Variants in GNB1L observed in about 807,000 individuals in gnomAD.
GNB1L encodes the protein G protein subunit beta 1 like.
A neutral mutation model predicts 29.1 loss-of-function variants in GNB1L; 20 were observed. The ratio of observed to expected loss-of-function variants is 0.69; its 90% confidence interval spans 0.48 to 1.00. The LOEUF (loss-of-function observed/expected upper bound fraction) is 1.00. Ranked by LOEUF, GNB1L falls within the 50% of genes least tolerant of loss-of-function variation. The pLI, the probability that GNB1L is intolerant of heterozygous loss-of-function variation, is 0.00. For synonymous variants in GNB1L, 193 were observed against 206.5 expected, an observed-to-expected ratio of 0.93 and a Z score of 0.56; for missense variants, 421 against 464.9, an observed-to-expected ratio of 0.91 and a Z score of 0.87.
rs545054042 is a variant in GNB1L at position 19,802,214 on chromosome 22, G to C, written c.519C>G (p.Ala173=). 1 of 1,612,090 alleles carries C rather than the reference G, an allele frequency of 6.2e-7. No homozygotes were observed. Among genetic ancestry groups the C allele is most frequent in the African/African-American group, 1.3e-5 (1 of 75,030 alleles). The change falls in exon 7 of 8, where the codon GCC becomes GCG. Residue 173 remains alanine, a splice_region_variant and synonymous_variant. Coordinates refer to ENST00000329517, the MANE Select transcript of GNB1L (RefSeq NM_053004.3). Reference sequence around the variant, plus strand: ...GAAGGAGTGGGCGGGAGCTGCAGTCGGCCTGCGGGGAACAGCAGAGCAGTC... The same window carrying C: ...GAAGGAGTGGGCGGGAGCTGCAGTCCGCCTGCGGGGAACAGCAGAGCAGTC... ...GMPMCLRLWQ[A]DCSSRPLLLA... is the part of the protein sequence containing the mutation.
intron 2 of GNB1L, chr22:19,848,165 T>C: frequency 5.1e-6 from 5 of 985,440 alleles, no homozygotes; most frequent in Non-Finnish European, 6.0e-6. Context: ...AGACAGGTAC[T>C]TTAAATACCA....
intron 5 of GNB1L, among the ~76,000 whole-genome samples, chr22:19,808,450 G>A (rs1035568211): frequency 2.0e-5 from 3 of 152,194 alleles, no homozygotes; most frequent in Non-Finnish European, 4.4e-5. Context: ...CCAGGCCTGC[G>A]AGCTCTGGGG....
chr22:19,838,386 C>A (rs1937801069), intron 2 of GNB1L, among the ~76,000 whole-genome samples: 1 of 152,178 alleles, frequency 6.6e-6, no homozygotes. Context: ...TGTGGGGCAA[C>A]TGGAACCTTG....
intron 5 of GNB1L, among the ~76,000 whole-genome samples, 197 bp from the exon 6 acceptor site, chr22:19,806,954 C>T (rs1434085498): frequency 6.6e-6 from 1 of 152,206 alleles, no homozygotes; most frequent in Non-Finnish European, 1.5e-5. Context: ...CCCAGGTCAC[C>T]GCCTGGCAGC....
At chr22:19,798,686 G>A (rs1019912718) in intron 7 of GNB1L, among the ~76,000 whole-genome samples, 2 of 151,994 alleles carry the variant, frequency 1.3e-5, no homozygotes, top group Admixed American at 1.3e-4. Flanking sequence ...GGACAGGAGC[G>A]ACCCCACACC....
At chr22:19,806,789 G>A (rs368592661) in intron 5 of GNB1L, 32 bp from the exon 6 acceptor site, 25 of 1,448,142 alleles carry the variant, frequency 1.7e-5, no homozygotes, top group East Asian at 4.6e-5. Context: ...GATTTGGGCC[G>A]TCGCCAAGTC....
rs149659075 is a variant in GNB1L at position 19,846,896 on chromosome 22, C to G, written c.-21+7547G>C. ...AGTCCCCTAGCCTGCGGTCCTTTGT[C>G]AGGCAGCCCCAGCAGACAAACAGGT... On this transcript the variant is annotated intron_variant, in intron 2 of 7. Transcript: ENST00000329517. 764 of 982,940 alleles carry G rather than the reference C, an allele frequency of 7.8e-4. 4 individuals are homozygous for G. In the African/African-American group the frequency reaches 0.012, roughly 16 times the overall value. 60.9% of individuals were successfully genotyped at this position (982,940 alleles called of 1,614,324 possible). A position where few individuals can be genotyped will look rare whatever the true frequency, so the allele number is the denominator to read the frequency against.
intron 4 of GNB1L, among the ~76,000 whole-genome samples, chr22:19,819,612 G>A (rs1019173667): frequency 2.6e-5 from 4 of 152,192 alleles, no homozygotes; most frequent in Admixed American, 6.5e-5. Flanking sequence ...TGAACCATGG[G>A]GGCACCCAGA....
At chr22:19,802,949 G>T (rs1322592453) in intron 6 of GNB1L, among the ~76,000 whole-genome samples, 1 of 152,246 alleles carries the variant, frequency 6.6e-6, no homozygotes, top group Non-Finnish European at 1.5e-5. Context: ...ACAGCCGTCA[G>T]TCCCCGGCAC....
At position 19,793,128 on chromosome 22, in the gene GNB1L, A is replaced by C. The variant is rs1937270405; in HGVS notation, c.733-4168T>G. ...TGTTGAGTTTTCTGTACATTAAAATAATTAAAATAATACAAATTTTCCTTC... is the reference window on the plus strand; with the variant it reads ...TGTTGAGTTTTCTGTACATTAAAATCATTAAAATAATACAAATTTTCCTTC... On this transcript the variant is annotated intron_variant, in intron 7 of 7. Transcript: ENST00000329517. 3 of 1,130,714 alleles carry C rather than the reference A, an allele frequency of 2.7e-6. No individual in the cohort carries two copies. The Admixed American group carries it at 6.5e-5, about 24-fold the overall frequency. 70.0% of individuals were successfully genotyped at this position (1,130,714 alleles called of 1,614,324 possible).
intron 2 of GNB1L, chr22:19,851,563 A>G: frequency 6.2e-7 from 1 of 1,612,496 alleles, no homozygotes; most frequent in Non-Finnish European, 8.5e-7. Flanking sequence ...CGGCTGGTAA[A>G]GACCTGGGGG....
intron 4 of GNB1L, among the ~76,000 whole-genome samples, chr22:19,819,363 G>C (rs892029601): frequency 5.9e-5 from 9 of 152,248 alleles, no homozygotes; most frequent in African/African-American, 2.2e-4. Context: ...TTGTAGAGGG[G>C]CTGTGGTGAC....
chr22:19,824,088 C>A (rs1220474494), intron 2 of GNB1L, among the ~76,000 whole-genome samples: 1 of 152,258 alleles, frequency 6.6e-6, no homozygotes, highest in East Asian at 1.9e-4. Context: ...CTGCAGGGAA[C>A]AAACCCGTCA....
At chr22:19,802,629 C>T (rs1327410204) in intron 6 of GNB1L, among the ~76,000 whole-genome samples, 1 of 152,252 alleles carries the variant, frequency 6.6e-6, no homozygotes, top group African/African-American at 2.4e-5. Flanking sequence ...GCACAGGGAC[C>T]TGTCCTCCTG....
At chr22:19,793,921 C>A (rs1027099864) in intron 7 of GNB1L, among the ~76,000 whole-genome samples, 2 of 152,040 alleles carry the variant, frequency 1.3e-5, no homozygotes, top group African/African-American at 4.8e-5. Flanking sequence ...AGGATGAGCA[C>A]CAGAAATGGC....
chr22:19,851,000 G>A (rs1029622932), intron 2 of GNB1L: 3 of 1,415,736 alleles, frequency 2.1e-6, no homozygotes, highest in African/African-American at 2.9e-5. Context: ...GGAGTTGGGG[G>A]AGCTGGTTCT....
In GNB1L at chr22:19,802,003, G is replaced by T; in HGVS notation, c.730C>A (p.Gln244Lys). The change falls in exon 7 of 8, where the codon CAG becomes AAG. Residue 244 changes from glutamine (Q) to lysine (K), a missense_variant and splice_region_variant. Physicochemically the swap from Gln to Lys is moderately conservative, Grantham distance 53 (BLOSUM62 1). Transcript: ENST00000329517. ...GACCCGGGGCCTGGCGCACTGACCT[G>T]CAGGGCCTGCTGCCAGTCCAGGCTC... ...VWSLDWQQAL[Q>K]VRGTHELTNP... The T allele has an allele frequency of 6.3e-7, 1 of 1,582,010 alleles. No individual in the cohort carries two copies. Among genetic ancestry groups the T allele is most frequent in the South Asian group, 1.1e-5 (1 of 87,430 alleles).
At chr22:19,805,443 C>T (rs1407776663) in intron 6 of GNB1L, among the ~76,000 whole-genome samples, 1 of 152,208 alleles carries the variant, frequency 6.6e-6, no homozygotes, top group Non-Finnish European at 1.5e-5. Context: ...GAGTCACCTC[C>T]CGGTAAAGGC....
intron 6 of GNB1L, 118 bp downstream of exon 6, chr22:19,806,541 C>G: frequency 1.5e-6 from 1 of 650,114 alleles, no homozygotes; most frequent in Non-Finnish European, 2.7e-6. Flanking sequence ...AGGTTCCCTG[C>G]GGCAGGGGGG....
Sources: gnomAD v4.1 joint callset for allele counts (sites outside exome capture counted in the v4.1 genomes callset) on GRCh38, gnomAD v4.1.1 for gene constraint, MANE v1.5 for transcripts, NCBI Gene and HGNC (gene_info 2026-07-23, HGNC 2026-07-21) for gene names.